The following UBE2E2 variants were observed in gnomAD, a reference collection of about 807,000 sequenced individuals.
The protein encoded by UBE2E2 is ubiquitin-conjugating enzyme E2 E2.
Under a neutral mutation model 24.7 loss-of-function variants are expected in UBE2E2, and 6 were observed. The observed-to-expected ratio is 0.24, with a 90% CI of 0.13 to 0.48. The LOEUF (loss-of-function observed/expected upper bound fraction) is 0.48. Ranked by LOEUF, UBE2E2 falls within the 20% of genes least tolerant of loss-of-function variation. The pLI is 0.99. For synonymous variants in UBE2E2, 104 were observed against 83.6 expected (o/e 1.24, Z -1.33); for missense variants, 169 against 245.0 (o/e 0.69, Z 2.07).
intron 5 of UBE2E2, among the ~76,000 whole-genome samples, chr3:23,564,457 A>G (rs1008629547): frequency 6.6e-5 from 10 of 152,168 alleles, no homozygotes; most frequent in South Asian, 2.1e-4. Flanking sequence ...ACCATGTTCA[A>G]TTTTAACACC....
At chr3:23,461,162 G>T (rs1698797328) in intron 3 of UBE2E2, among the ~76,000 whole-genome samples, 1 of 151,848 alleles carries the variant, frequency 6.6e-6, no homozygotes, top group African/African-American at 2.4e-5. Context: ...TTCTTAAAAT[G>T]TGTGGCATAT....
At chr3:23,239,416 A>T (rs1335952767) in intron 3 of UBE2E2, among the ~76,000 whole-genome samples, 1 of 152,060 alleles carries the variant, frequency 6.6e-6, no homozygotes, top group Non-Finnish European at 1.5e-5. Context: ...GGAACCCCAC[A>T]TCCATTAGCA....
chr3:23,367,083 A>G (rs1043454223), intron 3 of UBE2E2, among the ~76,000 whole-genome samples: 10 of 152,188 alleles, frequency 6.6e-5, no homozygotes, highest in Non-Finnish European at 7.3e-5. Context: ...TTTTCTCATC[A>G]GGGCCTTTGA....
intron 5 of UBE2E2, among the ~76,000 whole-genome samples, chr3:23,534,610 C>T (rs17013422): frequency 0.032 from 4,941 of 152,246 alleles, 131 homozygotes; most frequent in East Asian, 0.14. Context: ...TGAATGTTGA[C>T]ACTTCTAGAA....
chr3:23,354,169 A>G (rs1695858768), intron 3 of UBE2E2, among the ~76,000 whole-genome samples: 1 of 152,082 alleles, frequency 6.6e-6, no homozygotes, highest in South Asian at 2.1e-4. Flanking sequence ...GGTGCTGGGA[A>G]AACTGGCTAG....
At chr3:23,270,243 A>G (rs963176834) in intron 3 of UBE2E2, among the ~76,000 whole-genome samples, 2 of 148,426 alleles carry the variant, frequency 1.3e-5, no homozygotes, top group African/African-American at 5.0e-5. Context: ...TCCCTCATCT[A>G]AGGTGAGGGT....
In UBE2E2 at chr3:23,590,028, A is replaced by C. The variant is rs867268128; in HGVS notation, c.*197A>C. 7.9e-6 allele frequency: 4 copies of C among 503,926 alleles called. No homozygotes were observed. The highest frequency in any genetic ancestry group is 1.9e-5 in the African/African-American group (1 of 51,922). The allele number at this position is 503,926 out of a possible 1,614,324, so 31.2% of individuals were successfully genotyped here. On this transcript the variant is annotated 3_prime_UTR_variant, in exon 6 of 6. Transcript: ENST00000396703. ...CTTCCTCTCTCCCACGCTCTCTTTT[A>C]TCTCTCATTTTATTCCCTTGTTGAT...
At chr3:23,204,062 A>G (rs997336342) in intron 1 of UBE2E2, among the ~76,000 whole-genome samples, 1 of 151,612 alleles carries the variant, frequency 6.6e-6, no homozygotes, top group Non-Finnish European at 1.5e-5. Flanking sequence ...ACCGAAGCCC[A>G]TTTTTCTCTG....
At chr3:23,220,586 A>G (rs1187208415) in intron 3 of UBE2E2, among the ~76,000 whole-genome samples, 2 of 152,326 alleles carry the variant, frequency 1.3e-5, no homozygotes, top group South Asian at 4.1e-4. Flanking sequence ...GTTGGCTAAC[A>G]TAACTGACCC....
intron 5 of UBE2E2, among the ~76,000 whole-genome samples, chr3:23,584,717 C>CTAT (rs375236969): frequency 9.2e-6 from 1 of 108,242 alleles, no homozygotes; most frequent in African/African-American, 3.9e-5. Flanking sequence ...CCACACCCAG[C>CTAT]TGTTTTTTGT....
intron 3 of UBE2E2, among the ~76,000 whole-genome samples, chr3:23,245,634 CATA>C (rs1697374760): frequency 6.6e-6 from 1 of 152,154 alleles, no homozygotes; most frequent in South Asian, 2.1e-4. Flanking sequence ...CTTTGATATC[CATA>C]GTAATAGCAT....
chr3:23,351,340 A>G (rs1387796360), intron 3 of UBE2E2, among the ~76,000 whole-genome samples: 2 of 152,240 alleles, frequency 1.3e-5, no homozygotes, highest in African/African-American at 2.4e-5. Context: ...AACAAGCAAA[A>G]TAACCAGCTA....
At chr3:23,360,577 G>A (rs1696086636) in intron 3 of UBE2E2, among the ~76,000 whole-genome samples, 1 of 152,268 alleles carries the variant, frequency 6.6e-6, no homozygotes, top group East Asian at 1.9e-4. Flanking sequence ...GACATGGTAT[G>A]CGGGGGACCT....
chr3:23,383,941 A>G (rs992880999), intron 3 of UBE2E2, among the ~76,000 whole-genome samples: 2 of 151,144 alleles, frequency 1.3e-5, no homozygotes, highest in African/African-American at 4.9e-5. Context: ...AAAACTATTA[A>G]TAAATTAACC....
intron 5 of UBE2E2, among the ~76,000 whole-genome samples, chr3:23,557,731 C>T (rs1336698548): frequency 2.0e-5 from 3 of 152,174 alleles, no homozygotes; most frequent in Admixed American, 2.0e-4. Flanking sequence ...GATTCAACTT[C>T]CCCATCATTA....
chr3:23,511,500 G>A (rs1318206867), intron 4 of UBE2E2, among the ~76,000 whole-genome samples: 1 of 152,208 alleles, frequency 6.6e-6, no homozygotes, highest in Admixed American at 6.5e-5. Flanking sequence ...CTGGAGTTCA[G>A]GTGAGTCATA....
chr3:23,258,989 A>G (rs1422662209), intron 3 of UBE2E2, among the ~76,000 whole-genome samples: 1 of 152,170 alleles, frequency 6.6e-6, no homozygotes, highest in Non-Finnish European at 1.5e-5. Flanking sequence ...ACTTATACAA[A>G]ATAAGACTTT....
At chr3:23,350,223 A>G (rs929822187) in intron 3 of UBE2E2, among the ~76,000 whole-genome samples, 15 of 152,366 alleles carry the variant, frequency 9.8e-5, no homozygotes, top group Non-Finnish European at 1.9e-4. Context: ...ATCCACACCA[A>G]AAACCCATCT....
chr3:23,385,484 G>C (rs372724877), intron 3 of UBE2E2, among the ~76,000 whole-genome samples: 1 of 152,124 alleles, frequency 6.6e-6, no homozygotes, highest in African/African-American at 2.4e-5. Context: ...ATAGCATCCC[G>C]CATGGTTTCA....
Sources: gnomAD v4.1 joint callset for allele counts (sites outside exome capture counted in the v4.1 genomes callset) on GRCh38, gnomAD v4.1.1 for gene constraint, MANE v1.5 for transcripts, NCBI Gene and HGNC (gene_info 2026-07-23, HGNC 2026-07-21) for gene names.